CDK17: variants seen among roughly 807,000 people sequenced by gnomAD.
CDK17 encodes cyclin-dependent kinase 17.
In CDK17, 24 loss-of-function variants were observed where a neutral mutation model predicts 77.6. The observed-to-expected ratio is 0.31, with a 90% CI of 0.22 to 0.44. The LOEUF (loss-of-function observed/expected upper bound fraction) is 0.44, where lower values mean the gene tolerates loss of function less well. CDK17 is among the 20% of genes least tolerant of loss of function. The probability of loss-of-function intolerance (pLI) is 1.00; values close to 1 mark genes in which losing one functional copy is unlikely to be tolerated. For missense variants in CDK17, 429 were observed against 622.5 expected, an observed-to-expected ratio of 0.69 and a Z score of 3.31; for synonymous variants, 203 against 210.4, an observed-to-expected ratio of 0.96 and a Z score of 0.30.
At position 96,287,700 on chromosome 12, in the gene CDK17, A is replaced by G. The variant is rs187762474; in HGVS notation, c.1119-939T>C. ...AGAGATAATTGAAAGCAGGGTCCTG[A>G]AAAGGTATTTGTATACCCATGTGCA... On this transcript the variant is annotated intron_variant, in intron 11 of 16. Coordinates refer to ENST00000261211, the MANE Select transcript of CDK17 (RefSeq NM_002595.5). Among the ~76,000 whole-genome samples, 6 of 152,300 alleles carry G rather than the reference A, an allele frequency of 3.9e-5. No individual in the cohort carries two copies. The East Asian group carries it at 9.6e-4, about 24-fold the overall frequency.
At chr12:96,280,973 T>G in intron 15 of CDK17, 88 bp from the exon 16 acceptor site, 1 of 1,080,824 alleles carries the variant, frequency 9.3e-7, no homozygotes, top group Non-Finnish European at 1.3e-6. Flanking sequence ...ATAAAGCATA[T>G]ACTGATTCAA....
Position 96,370,020 on chromosome 12 carries a change from C to T in CDK17, c.-30+29966G>A, listed in dbSNP as rs558395215. Among the ~76,000 whole-genome samples, 53 of 152,000 alleles carry T rather than the reference C, an allele frequency of 3.5e-4. 1 individual carries two copies. In the Middle Eastern group the frequency reaches 0.017, roughly 49 times the overall value. ...TGTGAAGGAACTGGCTCTAAGAAGC[C>T]GCGAGTGTAAGAGCTGGACAGAAGG... On this transcript the variant is annotated intron_variant, in intron 1 of 16. Coordinates refer to ENST00000261211, the MANE Select transcript of CDK17 (RefSeq NM_002595.5).
chr12:96,340,044 A>G (rs1953101390), intron 1 of CDK17, among the ~76,000 whole-genome samples: 1 of 152,040 alleles, frequency 6.6e-6, no homozygotes, highest in African/African-American at 2.4e-5. Flanking sequence ...GCCTACAAAA[A>G]TCTTAAAAAT....
chr12:96,378,751 G>A (rs149673032), intron 1 of CDK17, among the ~76,000 whole-genome samples: 12 of 152,140 alleles, frequency 7.9e-5, no homozygotes, highest in African/African-American at 2.2e-4. Context: ...ACTAAACTAC[G>A]GTACATCTAC....
At position 96,372,417 on chromosome 12, in the gene CDK17, T is replaced by C. The variant is rs575404777; in HGVS notation, c.-30+27569A>G. On this transcript the variant is annotated intron_variant, in intron 1 of 16. Coordinates refer to ENST00000261211, the MANE Select transcript of CDK17 (RefSeq NM_002595.5). Reference sequence around the variant, plus strand: ...ACTACCATTATCTTCAGAAAAGCTTTTTTTGTGATTTGGTGAGGGGTGGGA... The same window carrying C: ...ACTACCATTATCTTCAGAAAAGCTTCTTTTGTGATTTGGTGAGGGGTGGGA... 2.0e-3 allele frequency among the ~76,000 whole-genome samples: 298 copies of C among 152,284 alleles called. 1 individual carries two copies. The highest frequency in any genetic ancestry group is 6.7e-3 in the African/African-American group (279 of 41,558).
intron 1 of CDK17, among the ~76,000 whole-genome samples, chr12:96,363,019 G>A (rs1953520315): frequency 6.6e-6 from 1 of 152,002 alleles, no homozygotes; most frequent in Non-Finnish European, 1.5e-5. Context: ...TGAGCTCTTT[G>A]ACCTTAAAAA....
rs541290167 is a variant in CDK17 at position 96,385,478 on chromosome 12, C to T, written c.-30+14508G>A. Among the ~76,000 whole-genome samples the T allele has an allele frequency of 5.9e-5, 9 of 152,104 alleles. 1 individual carries two copies. In the South Asian group the frequency reaches 1.0e-3, roughly 18 times the overall value. ...AGCATCACGCAATATACCCATGTAA[C>T]GAACCTGCACTTGTATGCCCTGAAT... On this transcript the variant is annotated intron_variant, in intron 1 of 16. Transcript: ENST00000261211.
intron 1 of CDK17, among the ~76,000 whole-genome samples, chr12:96,362,330 T>C (rs997322005): frequency 3.9e-5 from 6 of 152,216 alleles, no homozygotes; most frequent in South Asian, 4.2e-4. Flanking sequence ...GTAATTCTCC[T>C]GCCTCAGCCT....
At chr12:96,323,658 T>A (rs1194400881) in intron 3 of CDK17, among the ~76,000 whole-genome samples, 1 of 152,202 alleles carries the variant, frequency 6.6e-6, no homozygotes, top group Non-Finnish European at 1.5e-5. Context: ...ACTGAGGCAT[T>A]ACCCTAAAAT....
chr12:96,336,802 C>A (rs1341065109), intron 1 of CDK17, among the ~76,000 whole-genome samples: 1 of 152,150 alleles, frequency 6.6e-6, no homozygotes, highest in East Asian at 1.9e-4. Flanking sequence ...CATTTGACTC[C>A]TTCCTGCAGA....
Position 96,313,473 on chromosome 12 carries a change from C to CAT in CDK17, c.284-21_284-20dup. 1 of 1,408,170 alleles carries CAT rather than the reference C, an allele frequency of 7.1e-7. No individual in the cohort carries two copies. The highest frequency in any genetic ancestry group is 9.6e-7 in the Non-Finnish European group (1 of 1,038,776). The allele number at this position is 1,408,170 out of a possible 1,614,324, so 87.2% of individuals were successfully genotyped here. A position where few individuals can be genotyped will look rare whatever the true frequency, so the allele number is the denominator to read the frequency against. On this transcript the variant is annotated intron_variant, in intron 3 of 16. Transcript: ENST00000261211. ...ACAATATCTATATCAAAAAATGAGA[C>CAT]ATTAAAAGAGATACATTATATTCTA...
intron 3 of CDK17, among the ~76,000 whole-genome samples, chr12:96,321,882 C>T (rs1279139375): frequency 4.2e-5 from 6 of 143,444 alleles, no homozygotes; most frequent in Non-Finnish European, 7.6e-5. Flanking sequence ...GTGGGTGCAG[C>T]GCACCAGCAT....
chr12:96,286,600 TAC>T (rs1372959077), intron 12 of CDK17, 62 bp downstream of exon 12: 14 of 1,093,032 alleles, frequency 1.3e-5, no homozygotes, highest in Non-Finnish European at 1.8e-5. Context: ...ATTTTAGAGA[TAC>T]AGTCTTATCC....
chr12:96,291,433 A>C lies in CDK17; in HGVS notation c.998-2146T>G, dbSNP rs549888732. Among the ~76,000 whole-genome samples, 624 of 152,108 alleles carry C rather than the reference A, an allele frequency of 4.1e-3. 5 individuals carry two copies. Among genetic ancestry groups the C allele is most frequent in the Middle Eastern group, 0.024 (7 of 294 alleles). On this transcript the variant is annotated intron_variant, in intron 10 of 16. Coordinates refer to ENST00000261211, the MANE Select transcript of CDK17 (RefSeq NM_002595.5). ...CAGCCTCCCAACTGGCTGGGACTAG[A>C]GGTGCACACCGCCACACCTGGCTAA...
chr12:96,297,190 G>T, intron 9 of CDK17, 80 bp downstream of exon 9: 1 of 809,222 alleles, frequency 1.2e-6, no homozygotes, highest in South Asian at 1.8e-5. Context: ...GAAGAGTTAT[G>T]AGGCTGGTAC....
At chr12:96,306,327 G>A (rs190613440) in intron 5 of CDK17, among the ~76,000 whole-genome samples, 121 of 152,080 alleles carry the variant, frequency 8.0e-4, no homozygotes, top group Non-Finnish European at 1.4e-3. Context: ...AGTGATTTTG[G>A]AGGCCAAAGC....
At chr12:96,395,961 G>C (rs1306690665) in intron 1 of CDK17, among the ~76,000 whole-genome samples, 1 of 152,154 alleles carries the variant, frequency 6.6e-6, no homozygotes. Flanking sequence ...TCAATGTATG[G>C]TATTTTGTTA....
intron 2 of CDK17, among the ~76,000 whole-genome samples, chr12:96,334,390 A>G (rs763538471): frequency 9.2e-5 from 14 of 152,348 alleles, no homozygotes; most frequent in Non-Finnish European, 1.6e-4. Flanking sequence ...TTGGGTTATA[A>G]GAATAAAAAA....
intron 1 of CDK17, among the ~76,000 whole-genome samples, chr12:96,358,150 T>G (rs1953429809): frequency 6.6e-6 from 1 of 152,014 alleles, no homozygotes; most frequent in Admixed American, 6.6e-5. Context: ...TAATGCTTTT[T>G]AAAAATACAA....
Sources: gnomAD v4.1 joint callset for allele counts (sites outside exome capture counted in the v4.1 genomes callset) on GRCh38, gnomAD v4.1.1 for gene constraint, MANE v1.5 for transcripts, NCBI Gene and HGNC (gene_info 2026-07-23, HGNC 2026-07-21) for gene names.